Variants in DARS1 observed in about 807,000 individuals in gnomAD.
DARS1 encodes aspartyl-tRNA synthetase 1.
In DARS1, 51 loss-of-function variants were observed where a neutral mutation model predicts 68.8. The ratio of observed to expected loss-of-function variants is 0.74; its 90% CI spans 0.59 to 0.94. DARS1 has a LOEUF of 0.94. Among genes scored for constraint, DARS1 ranks in the 40% least tolerant of loss-of-function variants. The pLI, the probability that DARS1 is intolerant of heterozygous loss-of-function variation, is 0.00. For synonymous variants in DARS1, 203 were observed against 190.4 expected (o/e 1.07, Z -0.55); for missense variants, 607 against 597.3 (o/e 1.02, Z -0.17).
intron 10 of DARS1, 149 bp from the exon 11 acceptor site, chr2:135,916,521 T>C (rs73957068): frequency 0.01 from 4,468 of 437,928 alleles, 164 homozygotes; most frequent in African/African-American, 0.081. Context: ...GAAATTTAAA[T>C]ACTTAAAATA....
At chr2:135,914,684 G>A (rs991274739) in intron 11 of DARS1, 173 bp from the exon 12 acceptor site, 2 of 602,532 alleles carry the variant, frequency 3.3e-6, no homozygotes, top group Non-Finnish European at 3.0e-6. Context: ...TCACTTATGA[G>A]TATACCTTGG....
At chr2:135,972,251 A>G (rs989773721) in intron 3 of DARS1, among the ~76,000 whole-genome samples, 21 of 152,078 alleles carry the variant, frequency 1.4e-4, no homozygotes, top group Non-Finnish European at 2.2e-4. Context: ...CCAGTGGAAC[A>G]GAAGAGAGAA....
chr2:135,913,026 T>C (rs1680930116), intron 12 of DARS1, among the ~76,000 whole-genome samples: 1 of 151,778 alleles, frequency 6.6e-6, no homozygotes, highest in Admixed American at 6.6e-5. Context: ...GTGCCAGGCC[T>C]ACGGTTTAAA....
intron 4 of DARS1, among the ~76,000 whole-genome samples, chr2:135,960,654 GATC>G (rs1364523335): frequency 3.3e-5 from 5 of 151,824 alleles, no homozygotes; most frequent in African/African-American, 1.2e-4. Flanking sequence ...TGTTTTCTGA[GATC>G]ATTATCATGG....
intron 15 of DARS1, among the ~76,000 whole-genome samples, chr2:135,909,218 A>G (rs981660769): frequency 2.0e-5 from 3 of 152,216 alleles, no homozygotes; most frequent in African/African-American, 7.2e-5. Flanking sequence ...AGATGCAGCA[A>G]GCCCCCATGG....
At chr2:135,930,762 T>A (rs1681324383) in intron 7 of DARS1, among the ~76,000 whole-genome samples, 1 of 152,202 alleles carries the variant, frequency 6.6e-6, no homozygotes, top group East Asian at 1.9e-4. Context: ...CATTTACTCC[T>A]AGGACAACCT....
chr2:135,915,745 C>T (rs955611581), intron 11 of DARS1, among the ~76,000 whole-genome samples: 3 of 151,998 alleles, frequency 2.0e-5, no homozygotes, highest in Admixed American at 1.3e-4. Context: ...GTTTATACCC[C>T]GATCCTGTGT....
At chr2:135,975,270 G>T (rs1157909192) in intron 3 of DARS1, among the ~76,000 whole-genome samples, 1 of 152,008 alleles carries the variant, frequency 6.6e-6, no homozygotes, top group Non-Finnish European at 1.5e-5. Flanking sequence ...ATGTGAACCT[G>T]GGAGGCGGAG....
chr2:135,975,204 G>A (rs1300317253), intron 3 of DARS1, among the ~76,000 whole-genome samples: 1 of 151,972 alleles, frequency 6.6e-6, no homozygotes, highest in East Asian at 1.9e-4. Flanking sequence ...AATTAGCCGG[G>A]CGTGGTGGCA....
chr2:135,971,427 GA>G (rs1682367299), intron 3 of DARS1, among the ~76,000 whole-genome samples: 1 of 152,102 alleles, frequency 6.6e-6, no homozygotes, highest in African/African-American at 2.4e-5. Flanking sequence ...ACTGGGCATA[GA>G]AGGAACATAC....
intron 4 of DARS1, among the ~76,000 whole-genome samples, chr2:135,944,616 CG>C (rs918960764): frequency 1.3e-5 from 2 of 152,080 alleles, no homozygotes. Flanking sequence ...CTTGTACTCT[CG>C]TAAGTCTCCT....
intron 7 of DARS1, among the ~76,000 whole-genome samples, chr2:135,928,290 G>A (rs1681267267): frequency 6.6e-6 from 1 of 152,188 alleles, no homozygotes. Context: ...TGGACTAGGG[G>A]TCAGGAGAGA....
At position 135,912,503 on chromosome 2, in the gene DARS1, G is replaced by T; in HGVS notation, c.1213C>A (p.Pro405Thr). ...PLAVRPFYTM[P>T]DPRNPKQSNS... ...TTACTTACGGGATTTCTTGGGTCAG[G>T]CATGGTATAGAAAGGTCTTACAGCC... The change falls in exon 13 of 16, where the codon CCT (proline) becomes ACT (threonine). Residue 405 changes from proline (P) to threonine (T), a missense_variant. Physicochemically the swap from Pro to Thr is conservative, Grantham distance 38. Transcript: ENST00000264161. 1.8e-6 allele frequency: 2 copies of T among 1,102,030 alleles called. No individual in the cohort carries two copies. Among genetic ancestry groups the T allele is most frequent in the Non-Finnish European group, 2.7e-6 (2 of 730,788 alleles). 68.3% of individuals were successfully genotyped at this position (1,102,030 alleles called of 1,614,324 possible).
In DARS1 at chr2:135,933,958, C is replaced by A. The variant is rs1575391182; in HGVS notation, c.456G>T (p.Leu152=). ...IYVISLAEPR[L]PLQLDDAVRP... Reference sequence around the variant, plus strand: ...GAACAGCATCATCCAGCTGCAGGGGCAGACGGGGTTCAGCCAAACTGATCA... The same window carrying A: ...GAACAGCATCATCCAGCTGCAGGGGAAGACGGGGTTCAGCCAAACTGATCA... Residue 152 remains leucine (L), a synonymous_variant, in exon 6 of 16, where the codon CTG becomes CTT. Coordinates refer to ENST00000264161, the MANE Select transcript of DARS1 (RefSeq NM_001349.4). 4 of 1,613,806 alleles carry A rather than the reference C, an allele frequency of 2.5e-6. No individual in the cohort carries two copies. Among genetic ancestry groups the A allele is most frequent in the Non-Finnish European group, 3.4e-6 (4 of 1,179,742 alleles).
chr2:135,974,995 AT>A (rs1682463131), intron 3 of DARS1, among the ~76,000 whole-genome samples: 1 of 93,024 alleles, frequency 1.1e-5, no homozygotes, highest in African/African-American at 4.8e-5. Context: ...AATGAGAAAA[AT>A]AAAATATATG....
chr2:135,983,417 A>G lies in DARS1; in HGVS notation c.104T>C (p.Ile35Thr). Residue 35 changes from isoleucine (I) to threonine (T), a missense_variant, in exon 2 of 16, where the codon ATA (isoleucine) becomes ACA (threonine). Physicochemically the swap from Ile to Thr is moderately conservative, Grantham distance 89. Transcript: ENST00000264161. ...CTAACCTGGTTTTTCTTGTGATTGT[A>G]TCATTGAAGATATTCCATATCTCTC... ...AKERYGISSM[I>T]QSQEKPDRVL... The G allele has an allele frequency of 1.6e-6, 2 of 1,221,826 alleles. No individual in the cohort carries two copies. Among genetic ancestry groups the G allele is most frequent in the South Asian group, 1.2e-5 (1 of 80,062 alleles). The allele number at this position is 1,221,826 out of a possible 1,614,324, so 75.7% of individuals were successfully genotyped here. A position where few individuals can be genotyped will look rare whatever the true frequency, so the allele number is the denominator to read the frequency against.
At chr2:135,945,595 AG>A (rs1681702945) in intron 4 of DARS1, among the ~76,000 whole-genome samples, 1 of 152,210 alleles carries the variant, frequency 6.6e-6, no homozygotes, top group African/African-American at 2.4e-5. Flanking sequence ...CTTTTAACCC[AG>A]GACCTGAAAC....
At chr2:135,947,252 A>C (rs987380106) in intron 4 of DARS1, among the ~76,000 whole-genome samples, 1 of 151,926 alleles carries the variant, frequency 6.6e-6, no homozygotes. Context: ...CTAAAAATAC[A>C]AAAAAATTAG....
intron 7 of DARS1, among the ~76,000 whole-genome samples, chr2:135,928,653 T>G (rs1681276394): frequency 6.7e-6 from 1 of 150,358 alleles, no homozygotes; most frequent in Non-Finnish European, 1.5e-5. Flanking sequence ...TGGCCAGATT[T>G]ACGCAGAATT....
Sources: allele counts gnomAD v4.1 joint callset (sites outside exome capture counted in the v4.1 genomes callset), GRCh38; gene constraint gnomAD v4.1.1; transcripts MANE v1.5; gene names NCBI Gene and HGNC (gene_info 2026-07-23, HGNC 2026-07-21).